Variants in HUNK observed in about 807,000 individuals in gnomAD.
HUNK encodes the protein hormonally up-regulated neu tumor-associated kinase.
Under a neutral mutation model 61.0 loss-of-function variants are expected in HUNK, and 21 were observed. The observed-to-expected ratio is 0.34, with a 90% CI of 0.24 to 0.50. The LOEUF is 0.50. HUNK is among the 20% of genes least tolerant of loss of function. The pLI is 0.98. For synonymous variants in HUNK, 371 were observed against 386.1 expected (o/e 0.96, Z 0.46); for missense variants, 772 against 945.7 (o/e 0.82, Z 2.41).
At chr21:31,899,929 CA>C (rs1473988291) in intron 1 of HUNK, among the ~76,000 whole-genome samples, 1 of 152,112 alleles carries the variant, frequency 6.6e-6, no homozygotes, top group African/African-American at 2.4e-5. Context: ...AGGTGCCTAT[CA>C]CCATGCCTAG....
intron 8 of HUNK, among the ~76,000 whole-genome samples, chr21:31,984,732 C>T (rs778595333): frequency 1.3e-5 from 2 of 152,170 alleles, no homozygotes; most frequent in Non-Finnish European, 2.9e-5. Context: ...TTTTCTTTCT[C>T]TCAGTGATTT....
rs1169119791 is a variant in HUNK at position 31,929,093 on chromosome 21, C to A, written c.554+4333C>A. ...TAGGGGATGCTTTAAAAATGCAGTT[C>A]CTGATTAGGCTGATATTATGTTATT... On this transcript the variant is annotated intron_variant, in intron 2 of 10. Transcript: ENST00000270112. Among the ~76,000 whole-genome samples, 3 of 151,930 alleles carry A rather than the reference C, an allele frequency of 2.0e-5. No individual in the cohort carries two copies. In the East Asian group the frequency reaches 5.8e-4, roughly 29 times the overall value.
intron 4 of HUNK, among the ~76,000 whole-genome samples, chr21:31,947,659 T>C (rs576816610): frequency 6.6e-6 from 1 of 152,256 alleles, no homozygotes; most frequent in Admixed American, 6.5e-5. Context: ...CAATAAATAT[T>C]TGGAGGATGA....
chr21:31,990,460 C>G (rs191603270), intron 9 of HUNK, among the ~76,000 whole-genome samples: 44 of 151,814 alleles, frequency 2.9e-4, no homozygotes, highest in Non-Finnish European at 5.3e-4. Flanking sequence ...TTGGATGAGA[C>G]CCACCCACAT....
At chr21:31,934,949 G>T (rs908357684) in intron 2 of HUNK, among the ~76,000 whole-genome samples, 2 of 152,124 alleles carry the variant, frequency 1.3e-5, no homozygotes. Context: ...TTGCGGTTGT[G>T]AATAGCGCTG....
rs2052642652 is a variant in HUNK at position 31,924,028 on chromosome 21, T to G, written c.262-440T>G. 6.6e-6 allele frequency among the ~76,000 whole-genome samples: 1 copy of G among 152,086 alleles called. No homozygotes were observed. On this transcript the variant is annotated intron_variant, in intron 1 of 10. Coordinates refer to ENST00000270112, the MANE Select transcript of HUNK (RefSeq NM_014586.2). This position sits in a 1 kb window ranked among gnomAD's most constrained non-coding sequence, Gnocchi z 5.1. ...AAGATTGGGGGAAGATTTAGCTGTT[T>G]CTGAAGTGGCTGGGGGTCCTCAGAC...
chr21:31,954,403 T>C (rs1037708405), intron 4 of HUNK, among the ~76,000 whole-genome samples: 1 of 152,274 alleles, frequency 6.6e-6, no homozygotes, highest in South Asian at 2.1e-4. Context: ...TATAAGTACA[T>C]GAGCCCCAAA....
At chr21:31,984,484 A>G (rs1230156004) in intron 8 of HUNK, among the ~76,000 whole-genome samples, 1 of 152,198 alleles carries the variant, frequency 6.6e-6, no homozygotes, top group Non-Finnish European at 1.5e-5. Flanking sequence ...GAGGAACGCA[A>G]AAGTTTGGGA....
At chr21:31,939,704 G>A (rs905577883) in intron 2 of HUNK, among the ~76,000 whole-genome samples, 10 of 149,176 alleles carry the variant, frequency 6.7e-5, no homozygotes, top group East Asian at 1.9e-4. Flanking sequence ...CACCGTGCCC[G>A]GCCTCATGTG....
chr21:31,925,746 C>T (rs2052655219), intron 2 of HUNK, among the ~76,000 whole-genome samples: 1 of 152,108 alleles, frequency 6.6e-6, no homozygotes, highest in African/African-American at 2.4e-5. Flanking sequence ...GCAATGTTGC[C>T]ATTGGTAGTG....
In HUNK at chr21:32,002,566, G is replaced by C. The variant is rs2053253636; in HGVS notation, c.*3382G>C. On this transcript the variant is annotated 3_prime_UTR_variant, in exon 11 of 11. Coordinates refer to ENST00000270112, the MANE Select transcript of HUNK (RefSeq NM_014586.2). ...GAAGAATCAACCTTTTTCATTTGGG[G>C]ATATTAGGATCTTCCTTGGAGACTC... 1 of 152,190 alleles carries C rather than the reference G, an allele frequency of 6.6e-6. No homozygotes were observed. The highest frequency in any genetic ancestry group is 2.4e-5 in the African/African-American group (1 of 41,436). The allele number at this position is 152,190 out of a possible 1,614,324, so 9.4% of individuals were successfully genotyped here. A position where few individuals can be genotyped will look rare whatever the true frequency, so the allele number is the denominator to read the frequency against.
At position 31,999,287 on chromosome 21, in the gene HUNK, C is replaced by T. The variant is rs142638654; in HGVS notation, c.*103C>T. On this transcript the variant is annotated 3_prime_UTR_variant, in exon 11 of 11. Coordinates refer to ENST00000270112, the MANE Select transcript of HUNK (RefSeq NM_014586.2). ...ACTCCAAGGCCTCGCGTGGAGCATC[C>T]TTAGTCCCACCTGTAGCTGAATCCA... The T allele has an allele frequency of 7.8e-5, 81 of 1,043,932 alleles. No individual in the cohort carries two copies. The African/African-American group carries it at 1.2e-3, about 16-fold the overall frequency. The allele number at this position is 1,043,932 out of a possible 1,614,324, so 64.7% of individuals were successfully genotyped here.
intron 1 of HUNK, among the ~76,000 whole-genome samples, chr21:31,900,446 A>AACACACACACACACACACACACACAC (rs3138690): frequency 4.5e-4 from 64 of 143,118 alleles, no homozygotes; most frequent in African/African-American, 1.1e-3. Context: ...TAGTTACTGA[A>AACACACACACACACACACACACACAC]ACACACACAC....
rs528189123 is a variant in HUNK at position 31,897,900 on chromosome 21, G to A, written c.261+23965G>A. On this transcript the variant is annotated intron_variant, in intron 1 of 10. Coordinates refer to ENST00000270112, the MANE Select transcript of HUNK (RefSeq NM_014586.2). The stretch of plus-strand genomic sequence containing the variant: ...CTGTTCCACCATGTTCTATCTTTCC[G>A]AGATGCTCACCTCCTCCCCTGCCCT... 1.9e-4 allele frequency among the ~76,000 whole-genome samples: 29 copies of A among 152,206 alleles called. No homozygotes were observed. In the East Asian group the frequency reaches 5.6e-3, roughly 29 times the overall value.
At chr21:31,949,746 G>A (rs1408494211) in intron 4 of HUNK, among the ~76,000 whole-genome samples, 2 of 152,210 alleles carry the variant, frequency 1.3e-5, no homozygotes, top group Non-Finnish European at 1.5e-5. Flanking sequence ...GGCTGTACAA[G>A]AAGCATGGTG....
Position 31,924,562 on chromosome 21 carries a change from G to A in HUNK, c.356G>A (p.Arg119His), listed in dbSNP as rs760328005. 1.1e-5 allele frequency: 18 copies of A among 1,614,016 alleles called. No homozygotes were observed. The highest frequency in any genetic ancestry group is 1.6e-4 in the Middle Eastern group (1 of 6,084). Residue 119 changes from arginine to histidine, a missense_variant, in exon 2 of 11, where the codon CGC becomes CAC. Coordinates refer to ENST00000270112, the MANE Select transcript of HUNK (RefSeq NM_014586.2). The surrounding 1 kb of genome is among the most constrained non-coding windows in gnomAD (Gnocchi z 5.1). Reference sequence around the variant, plus strand: ...GAGGGTCAGATCCAGCAGATGATCCGCCACCCCAATATCACTCAGCTCCTT... The same window carrying A: ...GAGGGTCAGATCCAGCAGATGATCCACCACCCCAATATCACTCAGCTCCTT... ...RREGQIQQMI[R>H]HPNITQLLDI... is the part of the protein sequence containing the mutation.
intron 9 of HUNK, among the ~76,000 whole-genome samples, chr21:31,993,691 C>T (rs1185452001): frequency 1.3e-5 from 2 of 152,172 alleles, no homozygotes; most frequent in East Asian, 3.8e-4. Context: ...AAAGCTTGTT[C>T]TCCTTTGCCT....
intron 1 of HUNK, among the ~76,000 whole-genome samples, chr21:31,894,069 CA>C (rs2052409452): frequency 6.6e-6 from 1 of 152,176 alleles, no homozygotes; most frequent in African/African-American, 2.4e-5. Context: ...TTTTGGCTGC[CA>C]GTTGTCCTCT....
At chr21:31,981,325 CTT>C (rs2053095923) in intron 7 of HUNK, among the ~76,000 whole-genome samples, 1 of 148,264 alleles carries the variant, frequency 6.7e-6, no homozygotes, top group African/African-American at 2.5e-5. Context: ...TTCAAAATGA[CTT>C]TGGCTATTCA....
Sources: allele counts gnomAD v4.1 joint callset (sites outside exome capture counted in the v4.1 genomes callset), GRCh38; gene constraint gnomAD v4.1.1; non-coding constraint Gnocchi (gnomAD v3.1); transcripts MANE v1.5; gene names NCBI Gene and HGNC (gene_info 2026-07-23, HGNC 2026-07-21).